The following DAB1 variants were observed in gnomAD, a reference collection of about 807,000 sequenced individuals.
DAB1 encodes the protein disabled homolog 1.
In DAB1, 15 loss-of-function variants were observed where a neutral mutation model predicts 64.6. The observed-to-expected ratio is 0.23, with a 90% CI of 0.16 to 0.36. DAB1 has a LOEUF of 0.36. DAB1 is among the 10% of genes least tolerant of loss of function. The pLI, the probability that DAB1 is intolerant of heterozygous loss-of-function variation, is 1.00. For synonymous variants in DAB1, 235 were observed against 251.9 expected, an observed-to-expected ratio of 0.93 and a Z score of 0.64; for missense variants, 596 against 706.7, an observed-to-expected ratio of 0.84 and a Z score of 1.78.
At chr1:57,221,227 T>A (rs1429128638) in intron 2 of DAB1, among the ~76,000 whole-genome samples, 1 of 139,240 alleles carries the variant, frequency 7.2e-6, no homozygotes, top group Admixed American at 7.5e-5. Context: ...AAGGGGAACA[T>A]CACACACTGG....
At chr1:57,514,720 C>T (rs768330701) in intron 7 of DAB1, among the ~76,000 whole-genome samples, 37 of 152,254 alleles carry the variant, frequency 2.4e-4, no homozygotes, top group East Asian at 3.9e-4. Flanking sequence ...CTGGCAATAC[C>T]AAAGAGTATA....
intron 3 of DAB1, among the ~76,000 whole-genome samples, chr1:58,369,515 A>G (rs1156662215): frequency 1.3e-5 from 2 of 152,246 alleles, no homozygotes; most frequent in Non-Finnish European, 2.9e-5. Flanking sequence ...GAGTTAGTGA[A>G]TTACATATGG....
rs17096872 is a variant in DAB1 at position 58,507,000 on chromosome 1, A to G, written n.108-791T>C. ...GTATATACTTGTATATGCACAGAAC[A>G]TATCTGAGAAGCTATTTAAGAAGCT... On this transcript the variant is annotated intron_variant and non_coding_transcript_variant, in intron 2 of 20. Transcript: ENST00000485760. 1.5e-3 allele frequency among the ~76,000 whole-genome samples: 225 copies of G among 152,186 alleles called. 4 individuals carry two copies. The East Asian group carries it at 0.038, about 26-fold the overall frequency.
At chr1:58,515,613 A>T (rs575899158) in intron 2 of DAB1, among the ~76,000 whole-genome samples, 27 of 152,210 alleles carry the variant, frequency 1.8e-4, no homozygotes, top group African/African-American at 5.5e-4. Flanking sequence ...CAACATACCT[A>T]TTAAATAAGA....
rs930443876 is a variant in DAB1 at position 58,473,403 on chromosome 1, G to T, written n.257+32657C>A. On this transcript the variant is annotated intron_variant and non_coding_transcript_variant, in intron 3 of 20. Transcript: ENST00000485760. ...TAAAAATACAAAAAATTAGCCGGGC[G>T]CGGTGGCGGGCGCCTGTAGTCCCAG... is the stretch of plus-strand genomic sequence containing the variant. Among the ~76,000 whole-genome samples the T allele has an allele frequency of 2.0e-5, 3 of 152,014 alleles. No individual in the cohort carries two copies. In the East Asian group the frequency reaches 5.8e-4, roughly 29 times the overall value.
intron 6 of DAB1, among the ~76,000 whole-genome samples, chr1:57,706,047 C>A (rs1380333810): frequency 6.6e-6 from 1 of 150,944 alleles, no homozygotes; most frequent in Non-Finnish European, 1.5e-5. Flanking sequence ...ATACTTTAAA[C>A]TTTTTATTTT....
At chr1:57,980,758 G>A (rs1293703205) in intron 5 of DAB1, among the ~76,000 whole-genome samples, 1 of 152,056 alleles carries the variant, frequency 6.6e-6, no homozygotes, top group Non-Finnish European at 1.5e-5. Context: ...TGTAAGTGGA[G>A]GGAATTTCTG....
At chr1:57,798,778 G>C (rs950481231) in intron 6 of DAB1, among the ~76,000 whole-genome samples, 1 of 152,136 alleles carries the variant, frequency 6.6e-6, no homozygotes, top group African/African-American at 2.4e-5. Flanking sequence ...CACTTTCAAG[G>C]CTGTCTGTGT....
chr1:57,759,475 T>TGATG (rs1648968858), intron 6 of DAB1, among the ~76,000 whole-genome samples: 1 of 152,194 alleles, frequency 6.6e-6, no homozygotes, highest in Non-Finnish European at 1.5e-5. Context: ...TATTTTGGCA[T>TGATG]GATGATAGGC....
intron 9 of DAB1, among the ~76,000 whole-genome samples, chr1:57,047,010 C>T (rs1473886352): frequency 1.3e-5 from 2 of 152,142 alleles, no homozygotes; most frequent in South Asian, 2.1e-4. Context: ...TGCCTATTGC[C>T]CTGACATAAT....
At chr1:57,036,017 A>G (rs1647136568) in intron 9 of DAB1, among the ~76,000 whole-genome samples, 1 of 151,152 alleles carries the variant, frequency 6.6e-6, no homozygotes, top group Non-Finnish European at 1.5e-5. Context: ...TAATTTTTGT[A>G]TTTTTAGTAG....
At chr1:57,414,585 G>A (rs1005339521) in intron 1 of DAB1, among the ~76,000 whole-genome samples, 6 of 152,058 alleles carry the variant, frequency 3.9e-5, no homozygotes, top group African/African-American at 1.4e-4. Context: ...GCCTGGAATG[G>A]AACCAGCCGT....
chr1:58,507,848 A>G (rs1163364091), intron 2 of DAB1, among the ~76,000 whole-genome samples: 1 of 152,186 alleles, frequency 6.6e-6, no homozygotes. Flanking sequence ...TTCTTCTCAA[A>G]TAATTCATAA....
intron 4 of DAB1, among the ~76,000 whole-genome samples, chr1:58,315,533 T>A (rs1004752099): frequency 1.3e-5 from 2 of 152,204 alleles, no homozygotes; most frequent in African/African-American, 4.8e-5. Context: ...GGAATATAGC[T>A]GATTCTTGGA....
intron 4 of DAB1, among the ~76,000 whole-genome samples, chr1:58,185,366 T>C (rs1267653419): frequency 1.3e-5 from 2 of 152,138 alleles, no homozygotes; most frequent in Non-Finnish European, 2.9e-5. Context: ...TTTCCTGACA[T>C]ATCTCTAGGG....
intron 4 of DAB1, among the ~76,000 whole-genome samples, chr1:58,247,865 A>G (rs913519128): frequency 7.5e-6 from 1 of 133,668 alleles, no homozygotes; most frequent in Non-Finnish European, 1.5e-5. Flanking sequence ...TTGAAGACTT[A>G]AGCTATCCCT....
chr1:58,404,759 T>C (rs1453364733), intron 3 of DAB1, among the ~76,000 whole-genome samples: 2 of 151,940 alleles, frequency 1.3e-5, no homozygotes, highest in Non-Finnish European at 2.9e-5. Flanking sequence ...AAGTTCCTCA[T>C]ATGTAACACA....
At chr1:57,822,965 G>A (rs1054398087), downstream of DAB1, among the ~76,000 whole-genome samples, 2 of 149,178 alleles carry the variant, frequency 1.3e-5, no homozygotes, top group Non-Finnish European at 1.5e-5. Flanking sequence ...TAGATAAAAT[G>A]AAGAAAATAA....
At chr1:57,192,184 G>T (rs944219643) in intron 2 of DAB1, among the ~76,000 whole-genome samples, 3 of 152,106 alleles carry the variant, frequency 2.0e-5, no homozygotes, top group African/African-American at 7.2e-5. Flanking sequence ...AGGCATTCTG[G>T]TGGGCACCTG....
Sources: gnomAD v4.1 joint callset for allele counts (sites outside exome capture counted in the v4.1 genomes callset) on GRCh38, gnomAD v4.1.1 for gene constraint, MANE v1.5 for transcripts, NCBI Gene and HGNC (gene_info 2026-07-23, HGNC 2026-07-21) for gene names.